HPSE2: variants seen among roughly 807,000 people sequenced by gnomAD.
HPSE2 encodes the protein heparanase 2 (inactive), also known as inactive heparanase-2.
In HPSE2, 38 loss-of-function variants were observed where a neutral mutation model predicts 60.5. That is an observed-to-expected ratio of 0.63 (90% CI 0.48 to 0.82). The LOEUF is 0.82. Ranked by LOEUF, HPSE2 falls within the 40% of genes least tolerant of loss-of-function variation. HPSE2 has a pLI of 0.00. For missense variants in HPSE2, 713 were observed against 740.4 expected (o/e 0.96, Z 0.43); for synonymous variants, 295 against 293.2 (o/e 1.01, Z -0.06).
At chr10:99,247,526 T>C in the HPSE2 span, among the ~76,000 whole-genome samples, 232 of 152,298 alleles carry the variant, frequency 1.5e-3, no homozygotes, top group African/African-American at 5.3e-3. Context: ...CATGATAGGA[T>C]CAACACCTCA....
At chr10:98,856,972 A>G (rs1288572094) in intron 3 of HPSE2, among the ~76,000 whole-genome samples, 1 of 152,180 alleles carries the variant, frequency 6.6e-6, no homozygotes, top group Non-Finnish European at 1.5e-5. Flanking sequence ...CACAATATGG[A>G]TAATATCTTC....
chr10:98,468,307 C>T (rs1200406787), intron 11 of HPSE2, among the ~76,000 whole-genome samples: 2 of 152,182 alleles, frequency 1.3e-5, no homozygotes, highest in Non-Finnish European at 2.9e-5. Context: ...GGTGGTGTCG[C>T]CTGGTACCCC....
chr10:98,605,865 C>T (rs1463572592), intron 9 of HPSE2, among the ~76,000 whole-genome samples: 1 of 152,182 alleles, frequency 6.6e-6, no homozygotes, highest in Non-Finnish European at 1.5e-5. Flanking sequence ...GCGTCTTTCC[C>T]CCACTGCAGC....
intron 6 of HPSE2, among the ~76,000 whole-genome samples, chr10:98,654,938 T>A (rs1947018826): frequency 6.6e-6 from 1 of 152,214 alleles, no homozygotes; most frequent in Non-Finnish European, 1.5e-5. Context: ...TTCTTCACTT[T>A]AGGCTTTCCT....
rs1179268767 is a variant in HPSE2, at chr10:99,126,308, GC to G, written c.610+17929del. Among the ~76,000 whole-genome samples the G allele has an allele frequency of 6.6e-6, 1 of 151,954 alleles. No individual in the cohort carries two copies. The highest frequency in any genetic ancestry group is 1.9e-4 in the East Asian group (1 of 5,192). ...CCCCACAGTGGCCGCAGCAAGCCTT[GC>G]CCAAGTCTGAGCCCAGACTCACCTA... On this transcript the variant is annotated intron_variant, in intron 3 of 11. Transcript: ENST00000370552. This position sits in a 1 kb window ranked among gnomAD's most constrained non-coding sequence, Gnocchi z 4.0.
chr10:98,624,582 C>A (rs950714826), intron 7 of HPSE2, among the ~76,000 whole-genome samples: 21 of 152,196 alleles, frequency 1.4e-4, no homozygotes, highest in African/African-American at 5.1e-4. Flanking sequence ...ATCCCTGCAG[C>A]TGCTATGAGA....
intron 3 of HPSE2, among the ~76,000 whole-genome samples, chr10:98,755,918 C>T (rs534795663): frequency 1.3e-5 from 2 of 152,248 alleles, no homozygotes; most frequent in South Asian, 4.1e-4. Context: ...ACTGCTTGAA[C>T]CAGGGAGTTG....
chr10:99,235,589 T>C lies in HPSE2; in HGVS notation c.214A>G (p.Arg72Gly), dbSNP rs776512185. 2 of 1,614,142 alleles carry C rather than the reference T, an allele frequency of 1.2e-6. No individual in the cohort carries two copies. Among genetic ancestry groups the C allele is most frequent in the Non-Finnish European group, 1.7e-6 (2 of 1,180,010 alleles). Residue 72 changes from arginine (R) to glycine (G), a missense_variant, in exon 1 of 12, where the codon AGG becomes GGG. Transcript: ENST00000370552. The stretch of plus-strand genomic sequence containing the variant: ...GAGAGGAAGTTCTCATTGACTGTCC[T>C]GACTGGGTTCTTGGTGCTCACATCA... Reference protein sequence around the residue: ...LLDVSTKNPVRTVNENFLSLQ... With the variant: ...LLDVSTKNPVGTVNENFLSLQ...
At chr10:98,824,126 A>G (rs1337635006) in intron 3 of HPSE2, among the ~76,000 whole-genome samples, 5 of 152,220 alleles carry the variant, frequency 3.3e-5, no homozygotes, top group Non-Finnish European at 5.9e-5. Flanking sequence ...CTTGAATTGA[A>G]CAATAAAAAG....
intron 3 of HPSE2, among the ~76,000 whole-genome samples, chr10:98,920,607 T>C (rs1454614914): frequency 6.6e-6 from 1 of 152,184 alleles, no homozygotes; most frequent in Non-Finnish European, 1.5e-5. Context: ...CACTGTCAGA[T>C]ATTTTACTCC....
In HPSE2 at chr10:98,808,384, T is replaced by A. The variant is rs144804945; in HGVS notation, c.611-64328A>T. Among the ~76,000 whole-genome samples, 841 of 152,258 alleles carry A rather than the reference T, an allele frequency of 5.5e-3. 6 individuals are homozygous for A. Among genetic ancestry groups the A allele is most frequent in the African/African-American group, 0.019 (805 of 41,542 alleles). The stretch of plus-strand genomic sequence containing the variant: ...GTTTCTTTTATTTGTTCTGCTCTTA[T>A]CCCAACTCCACTAATGGGGGCATTA... On this transcript the variant is annotated intron_variant, in intron 3 of 11. Transcript: ENST00000370552.
chr10:99,115,058 C>T (rs1202100323), intron 3 of HPSE2, among the ~76,000 whole-genome samples: 2 of 151,174 alleles, frequency 1.3e-5, no homozygotes, highest in African/African-American at 4.9e-5. Flanking sequence ...CATAGTTGGC[C>T]GTTAACATCC....
At chr10:99,303,226 A>C in the HPSE2 span, among the ~76,000 whole-genome samples, 1 of 152,200 alleles carries the variant, frequency 6.6e-6, no homozygotes, top group Admixed American at 6.5e-5. Context: ...AAGATCTCAG[A>C]GGCCTGGGTT....
chr10:98,987,069 G>A (rs528251990), intron 3 of HPSE2, among the ~76,000 whole-genome samples: 6 of 152,104 alleles, frequency 3.9e-5, no homozygotes, highest in East Asian at 1.9e-4. Context: ...GAGGTACAAG[G>A]AGGAGCTGGT....
chr10:98,919,719 T>C (rs1285599482), intron 3 of HPSE2, among the ~76,000 whole-genome samples: 1 of 152,118 alleles, frequency 6.6e-6, no homozygotes, highest in African/African-American at 2.4e-5. Flanking sequence ...AGAAAAAATA[T>C]TAGATACCAA....
chr10:98,929,131 C>T (rs1196561472), intron 3 of HPSE2, among the ~76,000 whole-genome samples: 1 of 143,584 alleles, frequency 7.0e-6, no homozygotes, highest in East Asian at 2.0e-4. Context: ...ACCTTCTTTC[C>T]TATTAATACT....
chr10:98,609,990 C>T (rs1319700832), intron 9 of HPSE2, among the ~76,000 whole-genome samples: 6 of 151,936 alleles, frequency 3.9e-5, no homozygotes, highest in African/African-American at 1.5e-4. Flanking sequence ...TACAGGTGCC[C>T]GCCACCATGC....
chr10:98,756,276 A>T (rs1949876749), intron 3 of HPSE2, among the ~76,000 whole-genome samples: 1 of 152,280 alleles, frequency 6.6e-6, no homozygotes, highest in East Asian at 1.9e-4. Flanking sequence ...AAGGAAAACA[A>T]GAGAAAACAA....
intron 3 of HPSE2, among the ~76,000 whole-genome samples, chr10:98,914,585 T>C (rs1954067029): frequency 6.7e-6 from 1 of 148,266 alleles, no homozygotes. Flanking sequence ...GGTAACTTGA[T>C]GTAACATCAG....
Sources: gnomAD v4.1 joint callset for allele counts (sites outside exome capture counted in the v4.1 genomes callset) on GRCh38, gnomAD v4.1.1 for gene constraint, Gnocchi (gnomAD v3.1) non-coding constraint, MANE v1.5 for transcripts, NCBI Gene and HGNC (gene_info 2026-07-23, HGNC 2026-07-21) for gene names.